Variants in ASIC2 observed in about 807,000 individuals in gnomAD.
ASIC2 encodes the protein acid-sensing ion channel 2.
In ASIC2, 25 loss-of-function variants were observed where a neutral mutation model predicts 57.3. The ratio of observed to expected loss-of-function variants is 0.44; its 90% CI spans 0.32 to 0.61. The LOEUF (loss-of-function observed/expected upper bound fraction) is 0.61. Ranked by LOEUF, ASIC2 falls within the 20% of genes least tolerant of loss-of-function variation. The pLI, the probability that ASIC2 is intolerant of heterozygous loss-of-function variation, is 0.06. For synonymous variants in ASIC2, 319 were observed against 307.5 expected, an observed-to-expected ratio of 1.04 and a Z score of -0.39; for missense variants, 641 against 738.1, an observed-to-expected ratio of 0.87 and a Z score of 1.52.
At chr17:34,139,072 G>C (rs9914656) in intron 1 of ASIC2, among the ~76,000 whole-genome samples, 114,045 of 152,024 alleles carry the variant, frequency 0.75, 42,841 homozygotes, top group South Asian at 0.85. Flanking sequence ...ACTGATTCAG[G>C]TTCAAATTTT....
At chr17:33,664,780 A>G (rs1175808639) in intron 1 of ASIC2, among the ~76,000 whole-genome samples, 4 of 152,310 alleles carry the variant, frequency 2.6e-5, no homozygotes, top group Non-Finnish European at 5.9e-5. Flanking sequence ...GTTGAGTTTT[A>G]GTTAAATCAA....
intron 1 of ASIC2, among the ~76,000 whole-genome samples, chr17:33,857,188 C>G (rs1471264703): frequency 6.6e-6 from 1 of 152,200 alleles, no homozygotes; most frequent in Non-Finnish European, 1.5e-5. Context: ...CGGCCCCTTT[C>G]TGCTGCTGGT....
Position 34,057,532 on chromosome 17 carries a change from C to T in ASIC2, c.555+98446G>A, listed in dbSNP as rs115037617. Reference sequence around the variant, plus strand: ...CATTACTGGAGCTTTAGTAGGAGGACGGATATAATCAGATATGTATTTTAG... The same window carrying T: ...CATTACTGGAGCTTTAGTAGGAGGATGGATATAATCAGATATGTATTTTAG... On this transcript the variant is annotated intron_variant, in intron 1 of 9. Coordinates refer to the ASIC2 transcript ENST00000359872. 5.9e-3 allele frequency among the ~76,000 whole-genome samples: 898 copies of T among 151,810 alleles called. 11 individuals carry two copies. Among genetic ancestry groups the T allele is most frequent in the African/African-American group, 0.02 (847 of 41,354 alleles).
intron 1 of ASIC2, among the ~76,000 whole-genome samples, chr17:33,675,460 A>G (rs1442864103): frequency 2.6e-5 from 4 of 152,228 alleles, no homozygotes; most frequent in African/African-American, 9.6e-5. Context: ...AGAGTTTGGA[A>G]GTCTTTGAAA....
chr17:33,021,650 A>G (rs2091836080), intron 6 of ASIC2, among the ~76,000 whole-genome samples: 2 of 152,184 alleles, frequency 1.3e-5, no homozygotes, highest in Admixed American at 1.3e-4. Flanking sequence ...AGTTTCATTA[A>G]TCTTCTGACA....
intron 1 of ASIC2, among the ~76,000 whole-genome samples, chr17:33,364,487 G>A (rs1367672307): frequency 3.3e-5 from 5 of 152,214 alleles, no homozygotes; most frequent in Non-Finnish European, 7.3e-5. Context: ...GGGACCTGGT[G>A]AGAGGTGATT....
intron 3 of ASIC2, among the ~76,000 whole-genome samples, chr17:33,040,923 CTG>C (rs2091927464): frequency 6.6e-6 from 1 of 152,148 alleles, no homozygotes; most frequent in Non-Finnish European, 1.5e-5. Flanking sequence ...GCCCAACCAG[CTG>C]AGTGGTCCAA....
chr17:33,386,790 A>ACTCGCAGACTTCCTGCG (rs1909697488), intron 1 of ASIC2, among the ~76,000 whole-genome samples: 3 of 152,140 alleles, frequency 2.0e-5, no homozygotes, highest in Admixed American at 2.0e-4. Flanking sequence ...CATTTACTGC[A>ACTCGCAGACTTCCTGCG]TGACTCGCAG....
At chr17:33,321,831 A>G (rs887910729) in intron 1 of ASIC2, among the ~76,000 whole-genome samples, 1 of 152,212 alleles carries the variant, frequency 6.6e-6, no homozygotes. Flanking sequence ...CTGCCAGCTT[A>G]ACTAGAGCAT....
chr17:33,626,489 A>G (rs1373905242), intron 1 of ASIC2, among the ~76,000 whole-genome samples: 1 of 152,240 alleles, frequency 6.6e-6, no homozygotes, highest in Non-Finnish European at 1.5e-5. Flanking sequence ...TCTAATAAAC[A>G]TAAAAGTGAA....
intron 9 of ASIC2, among the ~76,000 whole-genome samples, chr17:33,015,375 G>A (rs1038723366): frequency 3.0e-4 from 46 of 152,312 alleles, no homozygotes; most frequent in African/African-American, 1.1e-3. Flanking sequence ...GGAAAGAGAG[G>A]CAGAGTAGGG....
intron 1 of ASIC2, among the ~76,000 whole-genome samples, chr17:33,300,974 G>C (rs528384520): frequency 6.6e-6 from 1 of 152,128 alleles, no homozygotes; most frequent in Admixed American, 6.5e-5. Flanking sequence ...AAGGCACTGT[G>C]CTCAGTGAAC....
In ASIC2 at chr17:34,144,246, C is replaced by G. The variant is rs115268587; in HGVS notation, c.555+11732G>C. Among the ~76,000 whole-genome samples the G allele has an allele frequency of 5.3e-3, 808 of 152,276 alleles. 6 individuals carry two copies. The highest frequency in any genetic ancestry group is 0.019 in the African/African-American group (774 of 41,558). On this transcript the variant is annotated intron_variant, in intron 1 of 9. Transcript: ENST00000359872. ...CAGTGCCTGGGATACAGTATGTGCT[C>G]AGAAAATGTTAGCCATTATTAACAG...
intron 1 of ASIC2, chr17:34,039,254 G>C (rs1908006464): frequency 1.2e-6 from 2 of 1,613,976 alleles, no homozygotes; most frequent in Non-Finnish European, 8.5e-7. Flanking sequence ...GACTGGGTCT[G>C]TCTGTGCTGG....
At chr17:33,425,925 G>A (rs77119898) in intron 1 of ASIC2, among the ~76,000 whole-genome samples, 5 of 152,198 alleles carry the variant, frequency 3.3e-5, no homozygotes, top group East Asian at 3.9e-4. Context: ...CAGGCGCAGC[G>A]CCAACAAAAA....
chr17:33,231,654 G>A (rs1279190462), intron 1 of ASIC2, among the ~76,000 whole-genome samples: 1 of 152,142 alleles, frequency 6.6e-6, no homozygotes. Flanking sequence ...ATCGAGGCCT[G>A]ATGGGTCACT....
intron 1 of ASIC2, among the ~76,000 whole-genome samples, chr17:33,507,997 CTG>C (rs1195723373): frequency 6.6e-6 from 1 of 152,166 alleles, no homozygotes; most frequent in Non-Finnish European, 1.5e-5. Context: ...CCACAGTTCG[CTG>C]ACTCCTCACA....
intron 1 of ASIC2, among the ~76,000 whole-genome samples, chr17:33,826,208 G>A (rs181083954): frequency 6.6e-6 from 1 of 152,352 alleles, no homozygotes; most frequent in African/African-American, 2.4e-5. Context: ...ACTCCTCAGA[G>A]GAAGAACATT....
chr17:33,420,904 C>T (rs1194462305), intron 1 of ASIC2, among the ~76,000 whole-genome samples: 3 of 152,148 alleles, frequency 2.0e-5, no homozygotes, highest in African/African-American at 4.8e-5. Context: ...TTAACATAAA[C>T]CTTAGCTACA....
Sources: allele counts gnomAD v4.1 joint callset (sites outside exome capture counted in the v4.1 genomes callset), GRCh38; gene constraint gnomAD v4.1.1; transcripts MANE v1.5; gene names NCBI Gene and HGNC (gene_info 2026-07-23, HGNC 2026-07-21).